The following LRRC74B variants were observed in gnomAD, a reference collection of about 807,000 sequenced individuals.
LRRC74B encodes the protein leucine rich repeat containing 74B.
Under a neutral mutation model 16.6 loss-of-function variants are expected in LRRC74B, and 30 were observed. The ratio of observed to expected loss-of-function variants is 1.80; its 90% CI spans 1.35 to 2.45. The LOEUF is 2.45. Among genes scored for constraint, LRRC74B ranks in the 30% most tolerant of loss-of-function variants. LRRC74B has a pLI of 0.00. For synonymous variants in LRRC74B, 134 were observed against 86.0 expected (o/e 1.56, Z -3.09); for missense variants, 326 against 202.4 (o/e 1.61, Z -3.71).
At chr22:21,046,959 G>C (rs913588095) in intron 1 of LRRC74B, among the ~76,000 whole-genome samples, 9 of 151,962 alleles carry the variant, frequency 5.9e-5, no homozygotes, top group South Asian at 2.1e-4. Flanking sequence ...CCAGTGTGGT[G>C]GTGGGCGCCT....
chr22:21,059,249 A>G (rs1361746500), intron 8 of LRRC74B, among the ~76,000 whole-genome samples: 3 of 152,212 alleles, frequency 2.0e-5, no homozygotes, highest in African/African-American at 7.2e-5. Flanking sequence ...TTAGCCGGGC[A>G]TAGTGGTATG....
At chr22:21,055,370 A>G (rs895626521) in intron 7 of LRRC74B, among the ~76,000 whole-genome samples, 194 bp downstream of exon 7, 4 of 151,832 alleles carry the variant, frequency 2.6e-5, no homozygotes, top group African/African-American at 9.7e-5. Context: ...CCTCTCTCCC[A>G]CATCTTCTTG....
intron 6 of LRRC74B, among the ~76,000 whole-genome samples, chr22:21,054,781 G>A (rs977176529): frequency 2.6e-5 from 4 of 152,252 alleles, no homozygotes; most frequent in South Asian, 2.1e-4. Flanking sequence ...TCTGGAACAG[G>A]CGTTGTAATG....
At chr22:21,060,459 C>T (rs1930757653) in exon 9 of LRRC74B, 1 of 716,834 alleles carries the variant, frequency 1.4e-6, no homozygotes, top group Non-Finnish European at 2.6e-6. Flanking sequence ...CTGGCGCTTG[C>T]AGAGTGGAGT....
At chr22:21,060,418 A>C (rs1398691232) in exon 9 of LRRC74B, 1 of 716,996 alleles carries the variant, frequency 1.4e-6, no homozygotes, top group African/African-American at 1.7e-5. Flanking sequence ...TAGCTCAGTG[A>C]GGGGAATTCT....
downstream of LRRC74B, chr22:21,062,649 G>T (rs1930862405): frequency 6.7e-6 from 1 of 148,376 alleles, no homozygotes; most frequent in African/African-American, 2.5e-5. Flanking sequence ...GAAGGTGGAG[G>T]TTGCAGTGAG....
At chr22:21,048,675 C>T (rs112346967) in intron 3 of LRRC74B, 105 of 459,724 alleles carry the variant, frequency 2.3e-4, no homozygotes, top group African/African-American at 1.8e-3. Flanking sequence ...ATGCAGCCAT[C>T]GACGGTATAG....
intron 8 of LRRC74B, among the ~76,000 whole-genome samples, chr22:21,058,037 C>A (rs1269447761): frequency 6.6e-6 from 1 of 150,864 alleles, no homozygotes; most frequent in African/African-American, 2.4e-5. Flanking sequence ...AGATGTGTGC[C>A]ACCACGCCCG....
chr22:21,051,093 A>G (rs1930001565), intron 4 of LRRC74B, among the ~76,000 whole-genome samples: 1 of 151,846 alleles, frequency 6.6e-6, no homozygotes, highest in Non-Finnish European at 1.5e-5. Flanking sequence ...TCAAGGCTGC[A>G]GTGAGCCGTG....
chr22:21,058,575 AT>A (rs1017610888), intron 8 of LRRC74B, among the ~76,000 whole-genome samples: 4 of 152,096 alleles, frequency 2.6e-5, no homozygotes, highest in African/African-American at 9.7e-5. Context: ...TCTAACCCTG[AT>A]TTTTTTCAAC....
rs576499517 is a variant in LRRC74B at position 21,055,090 on chromosome 22, T to G, written c.849-8T>G. Reference sequence around the variant, plus strand: ...GCACAATGCATGTGCCTGTTGTTTTTGTTGCAGTAACAACCGCATCTCTGC... The same window carrying G: ...GCACAATGCATGTGCCTGTTGTTTTGGTTGCAGTAACAACCGCATCTCTGC... On this transcript the variant is annotated splice_region_variant and splice_polypyrimidine_tract_variant and intron_variant, in intron 6 of 8. Transcript: ENST00000442047. 7.0e-6 allele frequency: 5 copies of G among 716,992 alleles called. 1 individual carries two copies. In the South Asian group the frequency reaches 7.4e-5, roughly 11 times the overall value. 44.4% of individuals were successfully genotyped at this position (716,992 alleles called of 1,614,324 possible).
In LRRC74B at chr22:21,053,292, A is replaced by T. The variant is rs982750781; in HGVS notation, c.733-68A>T. On this transcript the variant is annotated intron_variant, in intron 5 of 8. Transcript: ENST00000442047. Reference sequence around the variant, plus strand: ...TGCACCTCAGGGCTCCTGGTCTCTGAGGCTGTGGCACCCTGGCTTGCTCCA... The same window carrying T: ...TGCACCTCAGGGCTCCTGGTCTCTGTGGCTGTGGCACCCTGGCTTGCTCCA... The T allele has an allele frequency of 7.3e-6, 5 of 688,648 alleles. No individual in the cohort carries two copies. In the African/African-American group the frequency reaches 8.9e-5, roughly 12 times the overall value. 42.7% of individuals were successfully genotyped at this position (688,648 alleles called of 1,614,324 possible). A position where few individuals can be genotyped will look rare whatever the true frequency, so the allele number is the denominator to read the frequency against.
intron 4 of LRRC74B, among the ~76,000 whole-genome samples, chr22:21,050,605 C>T (rs1296935752): frequency 1.3e-5 from 2 of 151,320 alleles, no homozygotes; most frequent in Admixed American, 6.6e-5. Context: ...GGTGAAATGC[C>T]GTCTCTACTA....
At chr22:21,060,332 G>A (rs1930749090) in intron 8 of LRRC74B, 41 bp from the exon 9 acceptor site, 1 of 641,584 alleles carries the variant, frequency 1.6e-6, no homozygotes, top group Admixed American at 2.7e-5. Context: ...GAAGTTCTCA[G>A]ATAGTAACAA....
intron 6 of LRRC74B, among the ~76,000 whole-genome samples, chr22:21,054,322 G>A (rs1640464739): frequency 1.3e-5 from 2 of 152,254 alleles, no homozygotes; most frequent in Admixed American, 6.5e-5. Context: ...GGCAAGGCAG[G>A]ACCCTGACAA....
At chr22:21,063,548 T>TA (rs11320458), downstream of LRRC74B, 16 of 147,234 alleles carry the variant, frequency 1.1e-4, no homozygotes, top group East Asian at 9.9e-4. Flanking sequence ...CTCAAAAACT[T>TA]AAAAAAAAAA....
At position 21,057,256 on chromosome 22, in the gene LRRC74B, C is replaced by G. The variant is rs530762890; in HGVS notation, c.1023+56C>G. ...TCCTCCCAGCAGCCCTGTGAGGTAT[C>G]ATAATTTTAGAAGAAGAAAGTGAGG... On this transcript the variant is annotated intron_variant, in intron 8 of 8. Transcript: ENST00000442047. 87 of 697,874 alleles carry G rather than the reference C, an allele frequency of 1.2e-4. No individual in the cohort carries two copies. The South Asian group carries it at 1.3e-3, about 11-fold the overall frequency. The allele number at this position is 697,874 out of a possible 1,614,324, so 43.2% of individuals were successfully genotyped here.
chr22:21,051,564 G>C (rs571755556), intron 4 of LRRC74B, among the ~76,000 whole-genome samples: 1 of 151,804 alleles, frequency 6.6e-6, no homozygotes, highest in South Asian at 2.1e-4. Flanking sequence ...CTTCCATCTG[G>C]TCCCCCAGCC....
chr22:21,053,762 T>G, intron 6 of LRRC74B: 1 of 246,230 alleles, frequency 4.1e-6, no homozygotes, highest in South Asian at 1.1e-4. Flanking sequence ...TAGCTGGGAC[T>G]ACAGGAGTAT....
Sources: allele counts gnomAD v4.1 joint callset (sites outside exome capture counted in the v4.1 genomes callset), GRCh38; gene constraint gnomAD v4.1.1; transcripts MANE v1.5; gene names NCBI Gene and HGNC (gene_info 2026-07-23, HGNC 2026-07-21).